Variants in TNIK observed in about 807,000 individuals in gnomAD.
TNIK encodes TRAF2 and NCK-interacting protein kinase.
In TNIK, 49 loss-of-function variants were observed where a neutral mutation model predicts 191.3. The observed-to-expected ratio is 0.26, with a 90% CI of 0.20 to 0.32. The LOEUF (loss-of-function observed/expected upper bound fraction) is 0.32, where lower values mean the gene tolerates loss of function less well. TNIK is among the 10% of genes least tolerant of loss of function. The pLI, the probability that TNIK is intolerant of heterozygous loss-of-function variation, is 1.00. For missense variants in TNIK, 1,155 were observed against 1,702.3 expected, an observed-to-expected ratio of 0.68 and a Z score of 5.66; for synonymous variants, 594 against 600.9, an observed-to-expected ratio of 0.99 and a Z score of 0.17.
intron 1 of TNIK, among the ~76,000 whole-genome samples, chr3:171,437,153 C>A (rs748892749): frequency 3.3e-5 from 5 of 152,174 alleles, no homozygotes; most frequent in Non-Finnish European, 7.3e-5. Context: ...CCAGTGAAGT[C>A]ATAGTTCATT....
At chr3:171,168,620 G>A (rs1389928830) in intron 9 of TNIK, among the ~76,000 whole-genome samples, 1 of 151,974 alleles carries the variant, frequency 6.6e-6, no homozygotes, top group African/African-American at 2.4e-5. Context: ...CTACATTCAA[G>A]CTTTTAAAAT....
At chr3:171,428,203 G>A (rs192465959) in intron 1 of TNIK, among the ~76,000 whole-genome samples, 1 of 152,284 alleles carries the variant, frequency 6.6e-6, no homozygotes, top group African/African-American at 2.4e-5. Context: ...GATGAGTTCG[G>A]AGACTTTCAA....
At chr3:171,224,419 A>C (rs1022525770) in intron 3 of TNIK, among the ~76,000 whole-genome samples, 10 of 152,066 alleles carry the variant, frequency 6.6e-5, no homozygotes, top group Admixed American at 6.6e-5. Context: ...ACTACTTTAC[A>C]CTAGGAATTT....
intron 2 of TNIK, among the ~76,000 whole-genome samples, chr3:171,235,768 T>G (rs201304124): frequency 2.7e-5 from 4 of 146,336 alleles, no homozygotes; most frequent in African/African-American, 7.6e-5. Flanking sequence ...TTTGTTTTGG[T>G]GGGGGGGGGG....
intron 29 of TNIK, among the ~76,000 whole-genome samples, chr3:171,070,710 C>T (rs1719080533): frequency 6.6e-6 from 1 of 152,060 alleles, no homozygotes; most frequent in South Asian, 2.1e-4. Flanking sequence ...AATGAAAAGG[C>T]AATCAAAATA....
chr3:171,360,964 T>C lies in TNIK; in HGVS notation c.123+8656A>G, dbSNP rs141159746. 1.6e-3 allele frequency among the ~76,000 whole-genome samples: 243 copies of C among 152,352 alleles called. 1 individual carries two copies. The highest frequency in any genetic ancestry group is 0.015 in the Admixed American group (227 of 15,302). On this transcript the variant is annotated intron_variant, in intron 2 of 32. Transcript: ENST00000436636. Reference sequence around the variant, plus strand: ...ATGCCACATGTTTATCTATAAACCATGCCCTGATGGCAATGCCAGGCAGTT... The same window carrying C: ...ATGCCACATGTTTATCTATAAACCACGCCCTGATGGCAATGCCAGGCAGTT...
chr3:171,405,696 A>G (rs1238678625), intron 1 of TNIK, among the ~76,000 whole-genome samples: 1 of 152,230 alleles, frequency 6.6e-6, no homozygotes, highest in Non-Finnish European at 1.5e-5. Flanking sequence ...ATAATTTTCT[A>G]GTCTAAAATT....
chr3:171,237,372 G>A (rs1744398509), intron 2 of TNIK, among the ~76,000 whole-genome samples: 1 of 152,110 alleles, frequency 6.6e-6, no homozygotes, highest in South Asian at 2.1e-4. Context: ...AAGCTTTCAG[G>A]TTCTTACTGA....
At chr3:171,184,690 C>T (rs556425286) in intron 7 of TNIK, among the ~76,000 whole-genome samples, 76 of 152,308 alleles carry the variant, frequency 5.0e-4, no homozygotes, top group African/African-American at 1.8e-3. Context: ...TCAGGTGACA[C>T]CCTGCACGGC....
chr3:171,152,206 G>T (rs1732527472), intron 12 of TNIK, among the ~76,000 whole-genome samples: 1 of 152,022 alleles, frequency 6.6e-6, no homozygotes, highest in East Asian at 1.9e-4. Context: ...GCTTGAATCT[G>T]GGAGGCAGAG....
intron 1 of TNIK, among the ~76,000 whole-genome samples, chr3:171,370,366 G>C (rs1716321275): frequency 6.6e-6 from 1 of 152,144 alleles, no homozygotes; most frequent in South Asian, 2.1e-4. Context: ...CCACCAATCA[G>C]TTGTCCACTA....
intron 18 of TNIK, among the ~76,000 whole-genome samples, chr3:171,112,795 A>ATTAATTGTCTATTATATAGATGAGTTAC (rs1726043784): frequency 1.3e-5 from 2 of 151,536 alleles, no homozygotes; most frequent in African/African-American, 4.9e-5. Context: ...TAATAGCTTC[A>ATTAATTGTCTATTATATAGATGAGTTAC]TTAATTGTCT....
At chr3:171,175,364 T>TA in intron 8 of TNIK, 34 bp from the exon 9 acceptor site, 1 of 1,577,294 alleles carries the variant, frequency 6.3e-7, no homozygotes, top group Non-Finnish European at 8.6e-7. Flanking sequence ...CAGCTACAGT[T>TA]AGGAGGCCAA....
chr3:171,090,041 T>C (rs1721859970), intron 23 of TNIK, among the ~76,000 whole-genome samples: 1 of 152,152 alleles, frequency 6.6e-6, no homozygotes, highest in Non-Finnish European at 1.5e-5. Context: ...GAATTTAATA[T>C]TAAGCCCAAG....
chr3:171,216,841 A>C (rs1163484722), intron 3 of TNIK, among the ~76,000 whole-genome samples: 1 of 152,154 alleles, frequency 6.6e-6, no homozygotes, highest in Non-Finnish European at 1.5e-5. Flanking sequence ...AATTAGATGT[A>C]ATAAATCTAT....
rs573427921 is a variant in TNIK at position 171,059,045 on chromosome 3, C to G, written c.*4836G>C. Among the ~76,000 whole-genome samples the G allele has an allele frequency of 6.6e-6, 1 of 152,222 alleles. No individual in the cohort carries two copies. The highest frequency in any genetic ancestry group is 1.9e-4 in the East Asian group (1 of 5,178). ...ACAGTGTACAAATAATGATCCATTG[C>G]CAGAAATGAAAACTCACCTTTCCAC... On this transcript the variant is annotated 3_prime_UTR_variant, in exon 33 of 33. Transcript: ENST00000436636.
chr3:171,260,093 TTCC>T (rs976774965), intron 2 of TNIK, among the ~76,000 whole-genome samples: 2 of 152,106 alleles, frequency 1.3e-5, no homozygotes, highest in African/African-American at 4.8e-5. Flanking sequence ...TCTGATTATG[TTCC>T]TCATCCTCCA....
chr3:171,072,832 CA>C (rs1319320652), intron 28 of TNIK, among the ~76,000 whole-genome samples: 1 of 151,392 alleles, frequency 6.6e-6, no homozygotes, highest in African/African-American at 2.4e-5. Context: ...ACACACACCC[CA>C]CACACACCCC....
intron 21 of TNIK, among the ~76,000 whole-genome samples, chr3:171,102,300 T>C (rs1402292281): frequency 1.3e-5 from 2 of 152,180 alleles, no homozygotes; most frequent in Non-Finnish European, 2.9e-5. Context: ...TTCATTTTCT[T>C]TTGTTTTAAA....
Sources: gnomAD v4.1 joint callset for allele counts (sites outside exome capture counted in the v4.1 genomes callset) on GRCh38, gnomAD v4.1.1 for gene constraint, MANE v1.5 for transcripts, NCBI Gene and HGNC (gene_info 2026-07-23, HGNC 2026-07-21) for gene names.